Variants in ABLIM2 observed in about 807,000 individuals in gnomAD.
ABLIM2 encodes actin binding LIM protein family member 2, also known as actin-binding LIM protein 2.
Under a neutral mutation model 97.7 loss-of-function variants are expected in ABLIM2, and 53 were observed. The ratio of observed to expected loss-of-function variants is 0.54; its 90% CI spans 0.44 to 0.68. The LOEUF (loss-of-function observed/expected upper bound fraction) is 0.68. Among genes scored for constraint, ABLIM2 ranks in the 30% least tolerant of loss-of-function variants. The pLI, the probability that ABLIM2 is intolerant of heterozygous loss-of-function variation, is 0.00. For synonymous variants in ABLIM2, 361 were observed against 345.8 expected, an observed-to-expected ratio of 1.04 and a Z score of -0.49; for missense variants, 835 against 867.2, an observed-to-expected ratio of 0.96 and a Z score of 0.47.
intron 1 of ABLIM2, among the ~76,000 whole-genome samples, chr4:8,139,759 C>T (rs1850690598): frequency 6.6e-6 from 1 of 151,982 alleles, no homozygotes; most frequent in African/African-American, 2.4e-5. Flanking sequence ...GGGTATATAC[C>T]CAAAGGAATA....
rs1359709350 is a variant in ABLIM2, at chr4:8,085,645, TG to T, written c.454+2523del. Among the ~76,000 whole-genome samples the T allele has an allele frequency of 4.0e-5, 6 of 149,518 alleles. No individual in the cohort carries two copies. The highest frequency in any genetic ancestry group is 5.9e-5 in the Non-Finnish European group (4 of 67,322). On this transcript the variant is annotated intron_variant, in intron 4 of 20. Transcript: ENST00000447017. This position sits in a 1 kb window ranked among gnomAD's most constrained non-coding sequence, Gnocchi z 6.1. ...GCAGCCCTGTCCACTCACGCAGGTCTGGGGGTGCCCACGCTGCAGCCCCGTC... is the reference window on the plus strand; with the variant it reads ...GCAGCCCTGTCCACTCACGCAGGTCTGGGGTGCCCACGCTGCAGCCCCGTC...
At position 8,046,692 on chromosome 4, in the gene ABLIM2, G is replaced by C. The variant is rs1194840021; in HGVS notation, c.823-1451C>G. On this transcript the variant is annotated intron_variant, in intron 8 of 20. Transcript: ENST00000447017. This position sits in a 1 kb window ranked among gnomAD's most constrained non-coding sequence, Gnocchi z 4.4. Reference sequence around the variant, plus strand: ...CAGGAGGCACCACAGTGGATGGGCTGATCTGTGTCCACATTCGTAGGTTGA... The same window carrying C: ...CAGGAGGCACCACAGTGGATGGGCTCATCTGTGTCCACATTCGTAGGTTGA... Among the ~76,000 whole-genome samples the C allele has an allele frequency of 6.6e-6, 1 of 152,236 alleles. No homozygotes were observed. The highest frequency in any genetic ancestry group is 2.4e-5 in the African/African-American group (1 of 41,460).
At position 8,069,988 on chromosome 4, in the gene ABLIM2, T is replaced by C. The variant is rs189673585; in HGVS notation, c.675+7640A>G. On this transcript the variant is annotated intron_variant, in intron 6 of 20. Transcript: ENST00000447017. This position sits in a 1 kb window ranked among gnomAD's most constrained non-coding sequence, Gnocchi z 4.2. Reference sequence around the variant, plus strand: ...GCGTGCTGTCTGCACGTCTTGTATGTGTATGTGATCTGTGTGTCCTTTTGT... The same window carrying C: ...GCGTGCTGTCTGCACGTCTTGTATGCGTATGTGATCTGTGTGTCCTTTTGT... Among the ~76,000 whole-genome samples, 369 of 152,270 alleles carry C rather than the reference T, an allele frequency of 2.4e-3. No individual in the cohort carries two copies. The highest frequency in any genetic ancestry group is 8.5e-3 in the African/African-American group (355 of 41,538).
intron 20 of ABLIM2, among the ~76,000 whole-genome samples, chr4:7,978,929 A>T (rs1174317022): frequency 6.6e-6 from 1 of 152,142 alleles, no homozygotes; most frequent in Non-Finnish European, 1.5e-5. Flanking sequence ...ATGAGACGGC[A>T]GGGGCGCCTC....
intron 14 of ABLIM2, among the ~76,000 whole-genome samples, chr4:8,016,043 A>ATTTTTTTTT (rs4006048): frequency 7.2e-5 from 8 of 111,096 alleles, no homozygotes; most frequent in Non-Finnish European, 8.5e-5. Flanking sequence ...TTGTTGTTGT[A>ATTTTTTTTT]TTTTTTTTTT....
chr4:8,124,481 C>A lies in ABLIM2; in HGVS notation c.11-17844G>T, dbSNP rs1486874875. ...TCTCTGTGGATTTGCCTGCTCTGGGCATTTCATGCGAACGGAATCCCACAC... is the reference window on the plus strand; with the variant it reads ...TCTCTGTGGATTTGCCTGCTCTGGGAATTTCATGCGAACGGAATCCCACAC... On this transcript the variant is annotated intron_variant, in intron 1 of 20. Transcript: ENST00000447017. The surrounding 1 kb of genome is among the most constrained non-coding windows in gnomAD (Gnocchi z 6.1). Among the ~76,000 whole-genome samples the A allele has an allele frequency of 1.3e-5, 2 of 152,164 alleles. No homozygotes were observed. Among genetic ancestry groups the A allele is most frequent in the African/African-American group, 4.8e-5 (2 of 41,430 alleles).
At chr4:8,126,938 G>A (rs1411778832) in intron 1 of ABLIM2, among the ~76,000 whole-genome samples, 2 of 152,016 alleles carry the variant, frequency 1.3e-5, no homozygotes, top group Admixed American at 1.3e-4. Context: ...CTGGTGGCGT[G>A]CACCTTAGTT....
At chr4:8,007,752 C>A in intron 16 of ABLIM2, 1 of 1,131,444 alleles carries the variant, frequency 8.8e-7, no homozygotes, top group Non-Finnish European at 1.1e-6. Flanking sequence ...GCAGCCCGGA[C>A]GCCTTTCTCC....
intron 1 of ABLIM2, among the ~76,000 whole-genome samples, chr4:8,156,461 C>T (rs1715383335): frequency 1.3e-5 from 2 of 152,186 alleles, no homozygotes; most frequent in Admixed American, 1.3e-4. Context: ...ATCGCTCTGG[C>T]CACCTGAAAT....
rs1840649641 is a variant in ABLIM2, at chr4:8,112,129, C to G, written c.11-5492G>C. Among the ~76,000 whole-genome samples, 1 of 152,156 alleles carries G rather than the reference C, an allele frequency of 6.6e-6. No individual in the cohort carries two copies. Among genetic ancestry groups the G allele is most frequent in the East Asian group, 1.9e-4 (1 of 5,200 alleles). ...ATCCCTCATGATAATGAAACCCCAG[C>G]CTTGGGAAGCCCCACCGGGAATAAC... On this transcript the variant is annotated intron_variant, in intron 1 of 20. Transcript: ENST00000447017. The surrounding 1 kb of genome is among the most constrained non-coding windows in gnomAD (Gnocchi z 4.2).
chr4:8,126,137 G>A (rs1000449188), intron 1 of ABLIM2, among the ~76,000 whole-genome samples: 2 of 152,160 alleles, frequency 1.3e-5, no homozygotes, highest in Admixed American at 6.5e-5. Flanking sequence ...AACATTCCAC[G>A]GAGTTTCAGA....
chr4:8,024,047 A>G (rs1231964081), intron 12 of ABLIM2, among the ~76,000 whole-genome samples: 1 of 152,182 alleles, frequency 6.6e-6, no homozygotes, highest in Non-Finnish European at 1.5e-5. Context: ...TTCAGTTATG[A>G]GGACCTTTTG....
chr4:8,085,921 G>A lies in ABLIM2; in HGVS notation c.454+2248C>T, dbSNP rs1387292964. ...GTTGAAAGGCCTTGGCCCACCCCTC[G>A]GCACTTCCGCCCCCTGATGGACAGA... On this transcript the variant is annotated intron_variant, in intron 4 of 20. Transcript: ENST00000447017. The surrounding 1 kb of genome is among the most constrained non-coding windows in gnomAD (Gnocchi z 6.1). Among the ~76,000 whole-genome samples, 1 of 121,634 alleles carries A rather than the reference G, an allele frequency of 8.2e-6. No individual in the cohort carries two copies. The highest frequency in any genetic ancestry group is 9.2e-5 in the Admixed American group (1 of 10,876). 79.8% of individuals were successfully genotyped at this position (121,634 alleles called of 152,430 possible).
At chr4:8,011,660 T>C (rs1490692181) in intron 14 of ABLIM2, among the ~76,000 whole-genome samples, 3 of 152,252 alleles carry the variant, frequency 2.0e-5, no homozygotes, top group Non-Finnish European at 4.4e-5. Context: ...CTTTGGGATG[T>C]CAGAAAAAGA....
chr4:8,048,590 C>T (rs555176147), intron 8 of ABLIM2, among the ~76,000 whole-genome samples: 77 of 152,340 alleles, frequency 5.1e-4, no homozygotes, highest in Admixed American at 1.8e-3. Flanking sequence ...CCCTTGGCCA[C>T]CGTGGAGAAT....
rs1846410779 is a variant in ABLIM2 at position 8,123,511 on chromosome 4, G to A, written c.11-16874C>T. 1.3e-5 allele frequency among the ~76,000 whole-genome samples: 2 copies of A among 152,228 alleles called. No homozygotes were observed. Among genetic ancestry groups the A allele is most frequent in the Admixed American group, 6.5e-5 (1 of 15,288 alleles). Reference sequence around the variant, plus strand: ...CTGCTGATTCAAGGGAGGCTGGTGTGAGGGAAGCATTTCCGGCATGTCTAA... The same window carrying A: ...CTGCTGATTCAAGGGAGGCTGGTGTAAGGGAAGCATTTCCGGCATGTCTAA... On this transcript the variant is annotated intron_variant, in intron 1 of 20. Transcript: ENST00000447017. This position sits in a 1 kb window ranked among gnomAD's most constrained non-coding sequence, Gnocchi z 6.2.
Position 8,027,797 on chromosome 4 carries a change from G to A in ABLIM2, c.1229C>T (p.Thr410Ile). ...GATGTAATGATGTCTGAACACGGAT[G>A]TAGGGCTTGGGTGTTGGGACAGGGA... ...CLSLSQHPSP[T>I]SVFRHHYIPY... The change falls in exon 12 of 21, where the codon ACA (threonine) becomes ATA (isoleucine). Residue 410 changes from threonine to isoleucine, a missense_variant. Thr to Ile is a moderately conservative substitution (Grantham distance 89). Coordinates refer to ENST00000447017, the MANE Select transcript of ABLIM2 (RefSeq NM_001130083.2). The A allele has an allele frequency of 6.2e-7, 1 of 1,600,908 alleles. No homozygotes were observed. The highest frequency in any genetic ancestry group is 8.5e-7 in the Non-Finnish European group (1 of 1,174,038).
intron 1 of ABLIM2, among the ~76,000 whole-genome samples, chr4:8,129,854 G>A: frequency 6.6e-6 from 1 of 152,236 alleles, no homozygotes; most frequent in Non-Finnish European, 1.5e-5. Context: ...ACGGATGGGA[G>A]TGCAGGGGCA....
At chr4:8,007,445 G>C (rs1334008601) in intron 16 of ABLIM2, 2 of 985,536 alleles carry the variant, frequency 2.0e-6, no homozygotes, top group Non-Finnish European at 2.4e-6. Flanking sequence ...CCGCTTCTGG[G>C]AGGCACTGAG....
Sources: allele counts gnomAD v4.1 joint callset (sites outside exome capture counted in the v4.1 genomes callset), GRCh38; gene constraint gnomAD v4.1.1; non-coding constraint Gnocchi (gnomAD v3.1); transcripts MANE v1.5; gene names NCBI Gene and HGNC (gene_info 2026-07-23, HGNC 2026-07-21).